The following MS4A2 variants were observed in gnomAD, a reference collection of about 807,000 sequenced individuals.
The protein encoded by MS4A2 is membrane spanning 4-domains A2, also known as high affinity immunoglobulin epsilon receptor subunit beta.
In MS4A2, 26 loss-of-function variants were observed where a neutral mutation model predicts 27.9. That is an observed-to-expected ratio of 0.93 (90% CI 0.68 to 1.29). The LOEUF (loss-of-function observed/expected upper bound fraction) is 1.29. MS4A2 is among the 50% of genes most tolerant of loss of function. MS4A2 has a pLI of 0.00. For missense variants in MS4A2, 284 were observed against 284.6 expected, an observed-to-expected ratio of 1.00 and a Z score of 0.01; for synonymous variants, 110 against 98.8, an observed-to-expected ratio of 1.11 and a Z score of -0.67.
In MS4A2 at chr11:60,097,752, A is replaced by C. The variant is rs971629261; in HGVS notation, c.*2096A>C. 2 of 152,230 alleles carry C rather than the reference A, an allele frequency of 1.3e-5. No individual in the cohort carries two copies. The highest frequency in any genetic ancestry group is 4.8e-5 in the African/African-American group (2 of 41,444). 9.4% of individuals were successfully genotyped at this position (152,230 alleles called of 1,614,324 possible). A position where few individuals can be genotyped will look rare whatever the true frequency, so the allele number is the denominator to read the frequency against. The stretch of plus-strand genomic sequence containing the variant: ...GACAGGTAGATGTTAATTTCCCTAG[A>C]TTGTGAAAGTGATCACGACAATCAC... On this transcript the variant is annotated 3_prime_UTR_variant, in exon 7 of 7. Coordinates refer to ENST00000278888, the MANE Select transcript of MS4A2 (RefSeq NM_000139.5).
chr11:60,092,976 A>T, intron 4 of MS4A2, 128 bp downstream of exon 4: 1 of 976,090 alleles, frequency 1.0e-6, no homozygotes, highest in Non-Finnish European at 1.6e-6. Flanking sequence ...ATTTTGTTTC[A>T]ATCTATTTTG....
At chr11:60,089,902 A>G in intron 2 of MS4A2, 81 bp downstream of exon 2, 1 of 1,573,606 alleles carries the variant, frequency 6.4e-7, no homozygotes, top group Non-Finnish European at 8.7e-7. Flanking sequence ...CTGTTTTCCC[A>G]CTTGGATTCA....
At chr11:60,093,153 T>C (rs1165545821) in intron 4 of MS4A2, among the ~76,000 whole-genome samples, 1 of 152,200 alleles carries the variant, frequency 6.6e-6, no homozygotes, top group Non-Finnish European at 1.5e-5. Flanking sequence ...AATAAATAAT[T>C]AGTTTTCAAT....
chr11:60,091,085 A>G (rs1396567680), intron 3 of MS4A2, among the ~76,000 whole-genome samples: 1 of 152,202 alleles, frequency 6.6e-6, no homozygotes, highest in Non-Finnish European at 1.5e-5. Context: ...TGGAAGGCAG[A>G]GGTTGCAGTG....
Position 60,095,921 on chromosome 11 carries a change from C to T in MS4A2, c.*265C>T. 2.2e-6 allele frequency: 1 copy of T among 451,474 alleles called. No homozygotes were observed. Among genetic ancestry groups the T allele is most frequent in the Non-Finnish European group, 4.0e-6 (1 of 248,372 alleles). The allele number at this position is 451,474 out of a possible 1,614,324, so 28.0% of individuals were successfully genotyped here. A position where few individuals can be genotyped will look rare whatever the true frequency, so the allele number is the denominator to read the frequency against. Reference sequence around the variant, plus strand: ...TGCTGGAAAGTCAACATGTAGTAAGCAAGATTTAACTGTTTGATTATAACT... The same window carrying T: ...TGCTGGAAAGTCAACATGTAGTAAGTAAGATTTAACTGTTTGATTATAACT... On this transcript the variant is annotated 3_prime_UTR_variant, in exon 7 of 7. Transcript: ENST00000278888.
intron 2 of MS4A2, 40 bp downstream of exon 2, chr11:60,089,861 G>C (rs755316595): frequency 1.1e-5 from 18 of 1,612,154 alleles, no homozygotes; most frequent in Non-Finnish European, 1.5e-5. Flanking sequence ...AGTAAGGGTT[G>C]GGTCTAGAAA....
chr11:60,090,818 G>A (rs1239471691), intron 3 of MS4A2, among the ~76,000 whole-genome samples: 2 of 152,088 alleles, frequency 1.3e-5, no homozygotes, highest in African/African-American at 2.4e-5. Flanking sequence ...CATCAATAAA[G>A]TTATATGATA....
At position 60,093,521 on chromosome 11, in the gene MS4A2, T is replaced by A. The variant is rs759459379; in HGVS notation, c.500T>A (p.Phe167Tyr). 8 of 1,614,044 alleles carry A rather than the reference T, an allele frequency of 5.0e-6. No homozygotes were observed. The highest frequency in any genetic ancestry group is 2.2e-5 in the East Asian group (1 of 44,900). Residue 167 changes from phenylalanine (F) to tyrosine (Y), a missense_variant, in exon 5 of 7, where the codon TTT becomes TAT. Physicochemically the swap from Phe to Tyr is conservative, Grantham distance 22. Transcript: ENST00000278888. ...ATCCACATCCACAGTTGCCAGAAAT[T>A]TTTTGAGACCAAGTGCTTTATGGCT... ...AYIHIHSCQK[F>Y]FETKCFMASF...
chr11:60,093,620 C>T (rs775602099), intron 5 of MS4A2, 62 bp downstream of exon 5: 5 of 1,587,534 alleles, frequency 3.1e-6, no homozygotes, highest in Non-Finnish European at 4.3e-6. Context: ...GTAAGAAGCC[C>T]TCTTCTCCTG....
rs773315133 is a variant in MS4A2 at position 60,093,462 on chromosome 11, C to T, written c.441C>T (p.Ile147=). Residue 147 remains isoleucine, a synonymous_variant, in exon 5 of 7, where the codon ATC becomes ATT. Coordinates refer to ENST00000278888, the MANE Select transcript of MS4A2 (RefSeq NM_000139.5). ...TAGCTGGGGGAACGGGAATTACCAT[C>T]CTGATCATCAACCTGAAGAAGAGCT... ...SSIAGGTGIT[I]LIINLKKSLA... The T allele has an allele frequency of 9.3e-6, 15 of 1,614,204 alleles. No homozygotes were observed. Among genetic ancestry groups the T allele is most frequent in the Middle Eastern group, 1.6e-4 (1 of 6,062 alleles).
chr11:60,093,591 A>T, intron 5 of MS4A2, 33 bp downstream of exon 5: 5 of 1,613,378 alleles, frequency 3.1e-6, no homozygotes, highest in Non-Finnish European at 4.2e-6. Context: ...GAAGACTAAG[A>T]TTCTGGGTCC....
chr11:60,088,951 G>A, intron 1 of MS4A2, 130 bp downstream of exon 1: 1 of 941,388 alleles, frequency 1.1e-6, no homozygotes, highest in Non-Finnish European at 1.7e-6. Context: ...AATATATTGG[G>A]TATGAGGAAG....
At position 60,097,410 on chromosome 11, in the gene MS4A2, A is replaced by C. The variant is rs1855889259; in HGVS notation, c.*1754A>C. On this transcript the variant is annotated 3_prime_UTR_variant, in exon 7 of 7. Transcript: ENST00000278888. Reference sequence around the variant, plus strand: ...TGCGGCAGAGAAAACAGCAATAGTGAATGAATGCAAAAGGTGCTGAGAAAT... The same window carrying C: ...TGCGGCAGAGAAAACAGCAATAGTGCATGAATGCAAAAGGTGCTGAGAAAT... 1 of 152,244 alleles carries C rather than the reference A, an allele frequency of 6.6e-6. No individual in the cohort carries two copies. The highest frequency in any genetic ancestry group is 2.1e-4 in the South Asian group (1 of 4,830). 9.4% of individuals were successfully genotyped at this position (152,244 alleles called of 1,614,324 possible). A position where few individuals can be genotyped will look rare whatever the true frequency, so the allele number is the denominator to read the frequency against.
At chr11:60,088,633 T>C (rs1423773011), upstream of MS4A2, 19 of 1,523,302 alleles carry the variant, frequency 1.2e-5, no homozygotes, top group East Asian at 2.7e-4. Context: ...AAATGACTTA[T>C]GTATAAAGAG....
At chr11:60,090,091 A>G (rs1044600875) in intron 2 of MS4A2, among the ~76,000 whole-genome samples, 8 of 152,188 alleles carry the variant, frequency 5.3e-5, no homozygotes, top group African/African-American at 9.7e-5. Flanking sequence ...ACAATTACTG[A>G]TGTTCAACAT....
In MS4A2 at chr11:60,093,451, G is replaced by T. The variant is rs371879070; in HGVS notation, c.430G>T (p.Gly144Ter). The change falls in exon 5 of 7, where the codon GGA (glycine) becomes TGA (stop). Residue 144 changes from glycine to a stop codon, truncating the protein, a stop_gained. Coordinates refer to ENST00000278888, the MANE Select transcript of MS4A2 (RefSeq NM_000139.5). LOFTEE classifies it high-confidence loss of function. ...NTASSIAGGT[G>*]ITILIINLKK... ...TGCCAGCAGCATAGCTGGGGGAACG[G>T]GAATTACCATCCTGATCATCAACCT... 6.2e-7 allele frequency: 1 copy of T among 1,614,138 alleles called. No individual in the cohort carries two copies. The highest frequency in any genetic ancestry group is 1.1e-5 in the South Asian group (1 of 91,086).
Position 60,095,653 on chromosome 11 carries a change from A to G in MS4A2, c.732A>G (p.Leu244=), listed in dbSNP as rs1042406547. ...DPGEMSPPID[L] is the part of the protein sequence containing the mutation. The stretch of plus-strand genomic sequence containing the variant: ...GGGAAATGTCTCCTCCCATTGATTT[A>G]TAAGAATCACGTGTCCAGAACACTC... The change falls in exon 7 of 7, where the codon TTA becomes TTG. Residue 244 remains leucine (L), a synonymous_variant. Coordinates refer to ENST00000278888, the MANE Select transcript of MS4A2 (RefSeq NM_000139.5). 1.3e-6 allele frequency: 2 copies of G among 1,596,708 alleles called. No individual in the cohort carries two copies. The highest frequency in any genetic ancestry group is 1.7e-6 in the Non-Finnish European group (2 of 1,164,224).
chr11:60,095,194 G>A (rs1311927464), intron 6 of MS4A2, among the ~76,000 whole-genome samples: 3 of 152,086 alleles, frequency 2.0e-5, no homozygotes, highest in South Asian at 2.1e-4. Context: ...CCCGGGAGGC[G>A]GAAGTTGCAG....
intron 4 of MS4A2, among the ~76,000 whole-genome samples, chr11:60,093,174 A>G (rs915250966): frequency 6.6e-6 from 1 of 152,222 alleles, no homozygotes; most frequent in Non-Finnish European, 1.5e-5. Context: ...TAAGGAGAAT[A>G]TTTGAGGAAA....
Sources: allele counts gnomAD v4.1 joint callset (sites outside exome capture counted in the v4.1 genomes callset), GRCh38; gene constraint gnomAD v4.1.1; transcripts MANE v1.5; gene names NCBI Gene and HGNC (gene_info 2026-07-23, HGNC 2026-07-21).